The following FGF12 variants were observed in gnomAD, a reference collection of about 807,000 sequenced individuals.
FGF12 encodes fibroblast growth factor 12B.
Under a neutral mutation model 23.6 loss-of-function variants are expected in FGF12, and 14 were observed. The observed-to-expected ratio is 0.59, with a 90% CI of 0.39 to 0.93. FGF12 has a LOEUF of 0.93. Ranked by LOEUF, FGF12 falls within the 40% of genes least tolerant of loss-of-function variation. The pLI is 0.00. For synonymous variants in FGF12, 62 were observed against 77.3 expected (o/e 0.80, Z 1.04); for missense variants, 175 against 217.8 (o/e 0.80, Z 1.24).
At chr3:192,178,363 A>G (rs2108629658) in intron 4 of FGF12, among the ~76,000 whole-genome samples, 1 of 152,278 alleles carries the variant, frequency 6.6e-6, no homozygotes. Context: ...AGAGAAATAG[A>G]CTTTGCTATT....
intron 4 of FGF12, among the ~76,000 whole-genome samples, chr3:192,276,143 C>T (rs1446609300): frequency 2.0e-5 from 3 of 152,158 alleles, no homozygotes; most frequent in East Asian, 1.9e-4. Context: ...AAAAAGCAAA[C>T]GTGGAAACAA....
chr3:192,276,112 A>T (rs1713767612), intron 4 of FGF12, among the ~76,000 whole-genome samples: 1 of 152,224 alleles, frequency 6.6e-6, no homozygotes. Context: ...GGAGTTAAAG[A>T]GGCTCATATA....
At chr3:192,433,666 C>G (rs1721930128) in intron 2 of FGF12, among the ~76,000 whole-genome samples, 1 of 152,222 alleles carries the variant, frequency 6.6e-6, no homozygotes, top group Admixed American at 6.5e-5. Context: ...AGCTTTACCA[C>G]TCATTATTGC....
intron 4 of FGF12, among the ~76,000 whole-genome samples, chr3:192,305,679 A>AAAAAAAAT (rs1423738741): frequency 1.4e-4 from 19 of 131,932 alleles, no homozygotes; most frequent in African/African-American, 5.3e-4. Context: ...AAAAAAAAAA[A>AAAAAAAAT]ATATATATAT....
intron 5 of FGF12, among the ~76,000 whole-genome samples, chr3:192,158,403 T>C (rs865919600): frequency 0.057 from 2,665 of 46,378 alleles, 140 homozygotes; most frequent in African/African-American, 0.23. Flanking sequence ...CTCTCTTTCT[T>C]TTTCTTTCTT....
At chr3:192,170,941 G>T (rs1302990775) in intron 4 of FGF12, among the ~76,000 whole-genome samples, 2 of 152,170 alleles carry the variant, frequency 1.3e-5, no homozygotes, top group Non-Finnish European at 2.9e-5. Context: ...TCCGATCCTA[G>T]CAATATGTTT....
At chr3:192,527,026 C>T (rs1724961173) in intron 2 of FGF12, among the ~76,000 whole-genome samples, 1 of 152,168 alleles carries the variant, frequency 6.6e-6, no homozygotes, top group South Asian at 2.1e-4. Flanking sequence ...CTCAAAATTT[C>T]ATGTGTTAGA....
intron 2 of FGF12, among the ~76,000 whole-genome samples, chr3:192,600,627 T>C (rs1714073882): frequency 6.6e-6 from 1 of 151,930 alleles, no homozygotes; most frequent in Non-Finnish European, 1.5e-5. Flanking sequence ...AATTTAAAAA[T>C]GGGCAAATGA....
At chr3:192,435,833 T>C (rs982048499) in intron 2 of FGF12, among the ~76,000 whole-genome samples, 4 of 152,256 alleles carry the variant, frequency 2.6e-5, no homozygotes, top group African/African-American at 9.6e-5. Flanking sequence ...ATTTTCAATG[T>C]GTTACCATGC....
chr3:192,574,232 G>C (rs899475915), intron 2 of FGF12, among the ~76,000 whole-genome samples: 1 of 152,150 alleles, frequency 6.6e-6, no homozygotes, highest in African/African-American at 2.4e-5. Flanking sequence ...TTTGGATATG[G>C]AGAAACAAAG....
chr3:192,619,619 G>C (rs1714896416), intron 2 of FGF12, among the ~76,000 whole-genome samples: 1 of 152,116 alleles, frequency 6.6e-6, no homozygotes. Flanking sequence ...GCTCAGGTAT[G>C]AGATTTTAGA....
intron 4 of FGF12, among the ~76,000 whole-genome samples, chr3:192,183,599 G>A (rs1716297330): frequency 6.6e-6 from 1 of 152,076 alleles, no homozygotes; most frequent in Non-Finnish European, 1.5e-5. Context: ...ATCATGTTTT[G>A]GATATACTAC....
chr3:192,232,808 T>C (rs1334619426), intron 4 of FGF12, among the ~76,000 whole-genome samples: 10 of 152,136 alleles, frequency 6.6e-5, no homozygotes, highest in African/African-American at 2.2e-4. Flanking sequence ...TGATATTTGG[T>C]TTTCTGTTCC....
At chr3:192,266,306 A>G (rs1402311649) in intron 4 of FGF12, among the ~76,000 whole-genome samples, 1 of 152,138 alleles carries the variant, frequency 6.6e-6, no homozygotes, top group Non-Finnish European at 1.5e-5. Flanking sequence ...GACTTGCATA[A>G]TGTTAAGCAC....
rs773570110 is a variant in FGF12, at chr3:192,512,835, AAT to A, written c.14-152299_14-152298del. The stretch of plus-strand genomic sequence containing the variant: ...GTTAAACCTAGAGTATACTCAAATA[AAT>A]ATATATATATATATATATATATAAC... On this transcript the variant is annotated intron_variant, in intron 2 of 5. Coordinates refer to ENST00000445105, the MANE Select transcript of FGF12 (RefSeq NM_004113.6). 3.8e-4 allele frequency among the ~76,000 whole-genome samples: 29 copies of A among 76,728 alleles called. 2 individuals carry two copies. The highest frequency in any genetic ancestry group is 9.6e-4 in the African/African-American group (15 of 15,682). 50.3% of individuals were successfully genotyped at this position (76,728 alleles called of 152,430 possible).
intron 2 of FGF12, among the ~76,000 whole-genome samples, chr3:192,557,507 T>C (rs1192625565): frequency 6.6e-6 from 1 of 151,936 alleles, no homozygotes; most frequent in East Asian, 1.9e-4. Flanking sequence ...ATTAATATCA[T>C]TTTTTCTCAA....
At chr3:192,462,867 C>A (rs1001216811) in intron 2 of FGF12, among the ~76,000 whole-genome samples, 1 of 151,938 alleles carries the variant, frequency 6.6e-6, no homozygotes, top group Non-Finnish European at 1.5e-5. Flanking sequence ...AAATATGCAG[C>A]CATATAAGAG....
At chr3:192,377,323 G>A (rs553016228) in intron 2 of FGF12, among the ~76,000 whole-genome samples, 11 of 152,222 alleles carry the variant, frequency 7.2e-5, no homozygotes, top group South Asian at 4.2e-4. Flanking sequence ...TCTAGTAATC[G>A]CCACCTGAAG....
chr3:192,170,584 G>A lies in FGF12; in HGVS notation c.301C>T (p.Leu101=), dbSNP rs374767052. The A allele has an allele frequency of 6.8e-6, 11 of 1,613,582 alleles. No homozygotes were observed. The highest frequency in any genetic ancestry group is 9.3e-6 in the Non-Finnish European group (11 of 1,179,956). Residue 101 remains leucine, a synonymous_variant, in exon 5 of 6, where the codon CTG becomes TTG. Coordinates refer to ENST00000445105, the MANE Select transcript of FGF12 (RefSeq NM_004113.6). ...ENYYVIYSST[L]YRQQESGRAW... ...CGGCCTGATTCTTGCTGGCGGTACA[G>A]TGTGGAAGAATAGATCACATAGTAG...
Sources: gnomAD v4.1 joint callset for allele counts (sites outside exome capture counted in the v4.1 genomes callset) on GRCh38, gnomAD v4.1.1 for gene constraint, MANE v1.5 for transcripts, NCBI Gene and HGNC (gene_info 2026-07-23, HGNC 2026-07-21) for gene names.